Variants in BACH2 observed in about 807,000 individuals in gnomAD.
The protein encoded by BACH2 is BACH transcriptional regulator 2, also known as transcription regulator protein BACH2.
A neutral mutation model predicts 61.8 loss-of-function variants in BACH2; 5 were observed. That is an observed-to-expected ratio of 0.08 (90% CI 0.04 to 0.17). The LOEUF (loss-of-function observed/expected upper bound fraction) is 0.17, where lower values mean the gene tolerates loss of function less well. Among genes scored for constraint, BACH2 ranks in the 10% least tolerant of loss-of-function variants. The pLI is 1.00. For missense variants in BACH2, 824 were observed against 1,091.1 expected, an observed-to-expected ratio of 0.76 and a Z score of 3.45; for synonymous variants, 446 against 440.1, an observed-to-expected ratio of 1.01 and a Z score of -0.17.
chr6:90,063,551 C>G (rs187993527), intron 5 of BACH2, among the ~76,000 whole-genome samples: 5 of 152,282 alleles, frequency 3.3e-5, no homozygotes, highest in Admixed American at 3.3e-4. Context: ...AGGTGACTTA[C>G]AGGTTTTGAT....
chr6:90,087,105 C>T (rs1423773683), intron 5 of BACH2, among the ~76,000 whole-genome samples: 1 of 152,134 alleles, frequency 6.6e-6, no homozygotes, highest in South Asian at 2.1e-4. Context: ...ACCTACTGTA[C>T]ATTTAAGTCT....
At chr6:90,282,621 G>A (rs373337163) in intron 1 of BACH2, among the ~76,000 whole-genome samples, 1 of 152,076 alleles carries the variant, frequency 6.6e-6, no homozygotes, top group South Asian at 2.1e-4. Context: ...ACATACACGT[G>A]TATGTGTCTT....
rs577667556 is a variant in BACH2 at position 90,004,783 on chromosome 6, C to T, written c.243+3819G>A. On this transcript the variant is annotated intron_variant, in intron 6 of 8. Coordinates refer to ENST00000257749, the MANE Select transcript of BACH2 (RefSeq NM_021813.4). ...AACGGCCCTGCAATGCTTAGCACAT[C>T]AACTACTTTCTCTTCATCTCTTAGC... is the stretch of plus-strand genomic sequence containing the variant. Among the ~76,000 whole-genome samples, 35 of 152,338 alleles carry T rather than the reference C, an allele frequency of 2.3e-4. No individual in the cohort carries two copies. In the South Asian group the frequency reaches 7.0e-3, roughly 31 times the overall value.
chr6:90,183,704 TCTA>T (rs1377081761), intron 4 of BACH2, among the ~76,000 whole-genome samples: 1 of 152,236 alleles, frequency 6.6e-6, no homozygotes, highest in Non-Finnish European at 1.5e-5. Context: ...TTCTTCCTGA[TCTA>T]CTCCCCAGGC....
At position 90,288,635 on chromosome 6, in the gene BACH2, A is replaced by G. The variant is rs141867954; in HGVS notation, c.-446+7845T>C. Among the ~76,000 whole-genome samples, 16 of 152,206 alleles carry G rather than the reference A, an allele frequency of 1.1e-4. No individual in the cohort carries two copies. The East Asian group carries it at 2.9e-3, about 28-fold the overall frequency. On this transcript the variant is annotated intron_variant, in intron 1 of 8. Transcript: ENST00000257749. ...GCCTGAGTCCTTTAAAACCATTCAA[A>G]TCTCCAGCTGAGAGTTGCAACATGC...
At chr6:90,224,148 A>C (rs762657883) in intron 3 of BACH2, among the ~76,000 whole-genome samples, 18 of 152,238 alleles carry the variant, frequency 1.2e-4, no homozygotes, top group Non-Finnish European at 1.8e-4. Context: ...CTCAAAACTA[A>C]TCTAAAAGCT....
chr6:90,212,180 T>C (rs1450292293), intron 3 of BACH2, among the ~76,000 whole-genome samples: 2 of 152,188 alleles, frequency 1.3e-5, no homozygotes, highest in African/African-American at 4.8e-5. Context: ...AATCTTCAAC[T>C]GGAGACTTTC....
intron 7 of BACH2, among the ~76,000 whole-genome samples, chr6:89,947,081 A>T (rs1773772647): frequency 6.6e-6 from 1 of 152,144 alleles, no homozygotes. Context: ...CACGCGAAGT[A>T]TTACACTGGC....
intron 5 of BACH2, among the ~76,000 whole-genome samples, chr6:90,030,997 T>G (rs1284762765): frequency 8.2e-6 from 1 of 122,362 alleles, no homozygotes; most frequent in Admixed American, 7.3e-5. Context: ...ATCAAAAAGC[T>G]TATCCACCAT....
At chr6:90,247,074 A>C (rs1770659527) in intron 3 of BACH2, among the ~76,000 whole-genome samples, 1 of 152,226 alleles carries the variant, frequency 6.6e-6, no homozygotes, top group African/African-American at 2.4e-5. Flanking sequence ...TGAAAAAGAC[A>C]AAGCTAAAGA....
intron 6 of BACH2, among the ~76,000 whole-genome samples, chr6:90,006,684 T>C (rs1562363150): frequency 6.6e-6 from 1 of 151,234 alleles, no homozygotes; most frequent in African/African-American, 2.4e-5. Flanking sequence ...GGTGTGATCA[T>C]GGCTCACTTG....
chr6:90,178,881 T>C (rs1000482435), intron 4 of BACH2, among the ~76,000 whole-genome samples: 15 of 152,198 alleles, frequency 9.9e-5, no homozygotes, highest in African/African-American at 3.6e-4. Flanking sequence ...ACTCAACATG[T>C]TACTATCAGC....
chr6:89,932,556 C>T lies in BACH2; in HGVS notation c.2378G>A (p.Gly793Glu). 1 of 1,614,046 alleles carries T rather than the reference C, an allele frequency of 6.2e-7. No homozygotes were observed. The highest frequency in any genetic ancestry group is 1.1e-5 in the South Asian group (1 of 91,072). ...CGGGTCAGTGCCTTCTAGTCTCCTC[C>T]CAGAGGTACAATTCTCGGAGGTGTT... The part of the protein sequence containing the change: ...PSNTSENCTS[G>E]RRLEGTDPGT... The change falls in exon 9 of 9, where the codon GGG becomes GAG. Residue 793 changes from glycine to glutamate, a missense_variant. Transcript: ENST00000257749.
intron 3 of BACH2, among the ~76,000 whole-genome samples, chr6:90,223,393 T>C (rs568374811): frequency 9.2e-5 from 14 of 152,310 alleles, no homozygotes; most frequent in East Asian, 1.9e-4. Context: ...CCATAATGTA[T>C]AACTTAGAAC....
chr6:89,982,507 G>T (rs139692876), intron 6 of BACH2, among the ~76,000 whole-genome samples: 1 of 152,134 alleles, frequency 6.6e-6, no homozygotes, highest in African/African-American at 2.4e-5. Context: ...GATTGTTTAG[G>T]TTCTGTTTTG....
intron 5 of BACH2, among the ~76,000 whole-genome samples, chr6:90,039,393 T>C (rs1160980559): frequency 1.3e-5 from 2 of 149,684 alleles, no homozygotes; most frequent in East Asian, 3.9e-4. Context: ...ACAAGAGTAC[T>C]TTTTTTTTTG....
At chr6:90,234,966 T>G (rs1221470128) in intron 3 of BACH2, among the ~76,000 whole-genome samples, 4 of 152,194 alleles carry the variant, frequency 2.6e-5, no homozygotes, top group Non-Finnish European at 5.9e-5. Context: ...CCCCTTCCTT[T>G]GTGAAAAGTT....
chr6:90,075,957 T>TGATGGTAAGAGACGATCCAGA (rs1376187852), intron 5 of BACH2, among the ~76,000 whole-genome samples: 1 of 152,036 alleles, frequency 6.6e-6, no homozygotes, highest in Non-Finnish European at 1.5e-5. Flanking sequence ...ATGATCTAGA[T>TGATGGTAAGAGACGATCCAGA]GATGGTAAGA....
At chr6:90,059,448 T>G (rs1780560984) in intron 5 of BACH2, among the ~76,000 whole-genome samples, 1 of 152,178 alleles carries the variant, frequency 6.6e-6, no homozygotes, top group South Asian at 2.1e-4. Flanking sequence ...CCAGTTAGAA[T>G]GGCGATCATT....
Sources: gnomAD v4.1 joint callset for allele counts (sites outside exome capture counted in the v4.1 genomes callset) on GRCh38, gnomAD v4.1.1 for gene constraint, MANE v1.5 for transcripts, NCBI Gene and HGNC (gene_info 2026-07-23, HGNC 2026-07-21) for gene names.